WDR7: variants seen among roughly 807,000 people sequenced by gnomAD.
The protein encoded by WDR7 is WD repeat-containing protein 7.
A neutral mutation model predicts 169.4 loss-of-function variants in WDR7; 46 were observed. The ratio of observed to expected loss-of-function variants is 0.27; its 90% CI spans 0.21 to 0.35. The LOEUF is 0.35. WDR7 is among the 10% of genes least tolerant of loss of function. The pLI, the probability that WDR7 is intolerant of heterozygous loss-of-function variation, is 1.00. For missense variants in WDR7, 1,534 were observed against 1,859.3 expected, an observed-to-expected ratio of 0.83 and a Z score of 3.22; for synonymous variants, 612 against 666.8, an observed-to-expected ratio of 0.92 and a Z score of 1.27.
chr18:56,842,204 A>C (rs1226260237), intron 20 of WDR7, among the ~76,000 whole-genome samples: 1 of 152,000 alleles, frequency 6.6e-6, no homozygotes, highest in Non-Finnish European at 1.5e-5. Flanking sequence ...TTTATAAAGA[A>C]TAGAGACTTA....
intron 12 of WDR7, among the ~76,000 whole-genome samples, chr18:56,705,201 T>C (rs770902661): frequency 1.1e-4 from 17 of 152,314 alleles, no homozygotes; most frequent in Non-Finnish European, 1.5e-4. Flanking sequence ...GTATTCAGTT[T>C]GGTGCAACAT....
At chr18:56,846,290 C>G (rs2045567055) in intron 20 of WDR7, among the ~76,000 whole-genome samples, 1 of 152,032 alleles carries the variant, frequency 6.6e-6, no homozygotes, top group Non-Finnish European at 1.5e-5. Flanking sequence ...TGTGTCCCCA[C>G]TCAAATCTCA....
intron 4 of WDR7, among the ~76,000 whole-genome samples, chr18:56,682,054 A>T (rs2025359894): frequency 6.6e-6 from 1 of 152,216 alleles, no homozygotes. Flanking sequence ...ATGGGAAAGG[A>T]AGAGAAGGTA....
At chr18:56,795,429 T>C (rs184386009) in intron 19 of WDR7, among the ~76,000 whole-genome samples, 477 of 152,338 alleles carry the variant, frequency 3.1e-3, no homozygotes, top group Non-Finnish European at 5.3e-3. Flanking sequence ...CATGCACACT[T>C]TCATTTGAAT....
At chr18:56,873,416 A>G (rs895765122) in intron 20 of WDR7, 10 of 152,348 alleles carry the variant, frequency 6.6e-5, no homozygotes, top group African/African-American at 2.2e-4. Context: ...AAACTTCCCT[A>G]AAGTCTTAAT....
At chr18:56,966,161 T>G (rs550888915) in intron 26 of WDR7, among the ~76,000 whole-genome samples, 1 of 152,064 alleles carries the variant, frequency 6.6e-6, no homozygotes, top group Non-Finnish European at 1.5e-5. Context: ...CAATTGAGGA[T>G]TTATAACCAA....
chr18:56,807,233 A>C (rs1013026243), intron 19 of WDR7, among the ~76,000 whole-genome samples: 5 of 152,078 alleles, frequency 3.3e-5, no homozygotes, highest in African/African-American at 1.2e-4. Context: ...GTTCTGAGAT[A>C]TGTAATTCTG....
intron 17 of WDR7, among the ~76,000 whole-genome samples, chr18:56,778,588 T>A (rs1269089831): frequency 6.6e-6 from 1 of 152,198 alleles, no homozygotes; most frequent in Non-Finnish European, 1.5e-5. Context: ...CTTCAGTTAT[T>A]GTGTATCTAT....
In WDR7 at chr18:56,672,623, A is replaced by G. The variant is rs750586609; in HGVS notation, c.108A>G (p.Thr36=). ...LLTDDGATIV[T]GCHDGQICLW... The stretch of plus-strand genomic sequence containing the variant: ...CAGATGATGGGGCCACGATCGTAAC[A>G]GGATGTCACGACGGACAAATATGTC... The change falls in exon 2 of 28, where the codon ACA becomes ACG. Residue 36 remains threonine (T), a synonymous_variant. Coordinates refer to ENST00000254442, the MANE Select transcript of WDR7 (RefSeq NM_015285.3). The G allele has an allele frequency of 1.2e-6, 2 of 1,613,190 alleles. No individual in the cohort carries two copies. Among genetic ancestry groups the G allele is most frequent in the Non-Finnish European group, 1.7e-6 (2 of 1,179,498 alleles).
chr18:56,947,407 T>C (rs2047120823), intron 25 of WDR7, among the ~76,000 whole-genome samples: 1 of 152,212 alleles, frequency 6.6e-6, no homozygotes, highest in Admixed American at 6.5e-5. Context: ...GGGTTCTGAG[T>C]AATTTACATT....
intron 22 of WDR7, among the ~76,000 whole-genome samples, chr18:56,924,811 G>T (rs948838054): frequency 6.6e-6 from 1 of 152,164 alleles, no homozygotes; most frequent in African/African-American, 2.4e-5. Context: ...TACCACTGTA[G>T]CCATCTTAAA....
intron 5 of WDR7, among the ~76,000 whole-genome samples, chr18:56,685,042 A>G (rs1328362465): frequency 1.3e-5 from 2 of 152,228 alleles, no homozygotes. Context: ...ATATATGTTT[A>G]CACTGTAGTC....
intron 14 of WDR7, among the ~76,000 whole-genome samples, chr18:56,747,121 T>G (rs1051610460): frequency 9.9e-5 from 15 of 152,148 alleles, no homozygotes; most frequent in African/African-American, 3.6e-4. Context: ...CTCTACCACC[T>G]CCCTTCTCTC....
chr18:56,823,031 T>C lies in WDR7; in HGVS notation c.3304+6887T>C, dbSNP rs575835832. Among the ~76,000 whole-genome samples, 324 of 152,304 alleles carry C rather than the reference T, an allele frequency of 2.1e-3. 2 individuals are homozygous for C. Among genetic ancestry groups the C allele is most frequent in the African/African-American group, 7.6e-3 (316 of 41,564 alleles). ...GAAGGACAAGTAGAATGTTTCTAAA[T>C]ACAGTATTTGAGAAAGTTTTTGACA... On this transcript the variant is annotated intron_variant, in intron 20 of 27. Coordinates refer to ENST00000254442, the MANE Select transcript of WDR7 (RefSeq NM_015285.3).
At chr18:57,017,632 G>A (rs1224114155) in intron 26 of WDR7, among the ~76,000 whole-genome samples, 2 of 152,152 alleles carry the variant, frequency 1.3e-5, no homozygotes, top group Non-Finnish European at 2.9e-5. Context: ...GAACAGTGAT[G>A]AGTAAAATGA....
intron 26 of WDR7, among the ~76,000 whole-genome samples, chr18:57,018,812 T>C (rs2048244975): frequency 6.6e-6 from 1 of 152,168 alleles, no homozygotes; most frequent in Non-Finnish European, 1.5e-5. Flanking sequence ...CAGAACTGAA[T>C]CTTGATGTTA....
At position 56,991,143 on chromosome 18, in the gene WDR7, A is replaced by ATTTTTTTTT. The variant is rs60092817; in HGVS notation, c.4164+28627_4164+28635dup. On this transcript the variant is annotated intron_variant, in intron 26 of 27. Transcript: ENST00000254442. ...ACTAGCTACCGTACACCTTCTCCTCATTTTTTTTTTTTTTTTTTTTTGAGA... is the reference window on the plus strand; with the variant it reads ...ACTAGCTACCGTACACCTTCTCCTCATTTTTTTTTTTTTTTTTTTTTTTTTTTTTTGAGA... Among the ~76,000 whole-genome samples, 77 of 110,702 alleles carry ATTTTTTTTT rather than the reference A, an allele frequency of 7.0e-4. 4 individuals are homozygous for ATTTTTTTTT. The highest frequency in any genetic ancestry group is 2.3e-3 in the African/African-American group (63 of 26,966). The allele number at this position is 110,702 out of a possible 152,430, so 72.6% of individuals were successfully genotyped here. A position where few individuals can be genotyped will look rare whatever the true frequency, so the allele number is the denominator to read the frequency against.
intron 20 of WDR7, among the ~76,000 whole-genome samples, chr18:56,860,149 C>A (rs1046440555): frequency 6.6e-6 from 1 of 152,144 alleles, no homozygotes; most frequent in Non-Finnish European, 1.5e-5. Flanking sequence ...CCTCTGCTGA[C>A]TGGAAGCACA....
intron 26 of WDR7, among the ~76,000 whole-genome samples, chr18:56,982,944 C>G (rs993734721): frequency 6.6e-6 from 1 of 152,128 alleles, no homozygotes; most frequent in African/African-American, 2.4e-5. Flanking sequence ...GTTTCCTCAG[C>G]CAATAAGAGA....
Sources: allele counts gnomAD v4.1 joint callset (sites outside exome capture counted in the v4.1 genomes callset), GRCh38; gene constraint gnomAD v4.1.1; transcripts MANE v1.5; gene names NCBI Gene and HGNC (gene_info 2026-07-23, HGNC 2026-07-21).